The following TMEM135 variants were observed in gnomAD, a reference collection of about 807,000 sequenced individuals.
TMEM135 encodes the protein peroxisomal membrane protein 52.
TMEM135 carries 30 observed loss-of-function variants against 60.3 expected under a neutral mutation model. That is an observed-to-expected ratio of 0.50 (90% CI 0.37 to 0.68). TMEM135 has a LOEUF of 0.68. Among genes scored for constraint, TMEM135 ranks in the 30% least tolerant of loss-of-function variants. The pLI is 0.00. For missense variants in TMEM135, 468 were observed against 548.8 expected, an observed-to-expected ratio of 0.85 and a Z score of 1.47; for synonymous variants, 190 against 186.7, an observed-to-expected ratio of 1.02 and a Z score of -0.14.
chr11:87,200,421 T>C (rs1940068352), intron 5 of TMEM135, among the ~76,000 whole-genome samples: 1 of 152,228 alleles, frequency 6.6e-6, no homozygotes, highest in Non-Finnish European at 1.5e-5. Context: ...TAATTTTTCT[T>C]CTTCATTACA....
At chr11:87,192,759 G>T (rs1252314146) in intron 5 of TMEM135, among the ~76,000 whole-genome samples, 1 of 152,136 alleles carries the variant, frequency 6.6e-6, no homozygotes, top group East Asian at 1.9e-4. Context: ...AATAAAACCA[G>T]TTTACATATT....
chr11:87,045,220 C>T lies in TMEM135; in HGVS notation c.141+7034C>T, dbSNP rs375588737. Among the ~76,000 whole-genome samples the T allele has an allele frequency of 6.0e-5, 9 of 150,748 alleles. No homozygotes were observed. In the East Asian group the frequency reaches 6.0e-4, roughly 10 times the overall value. ...AATTTTTTTGTATTTTTAGTAGAGACGGGGTTTCACTCTGTTAGCCAGGAT... is the reference window on the plus strand; with the variant it reads ...AATTTTTTTGTATTTTTAGTAGAGATGGGGTTTCACTCTGTTAGCCAGGAT... On this transcript the variant is annotated intron_variant, in intron 1 of 14. Transcript: ENST00000305494.
At chr11:87,213,577 C>T (rs535134720) in intron 5 of TMEM135, among the ~76,000 whole-genome samples, 29 of 151,910 alleles carry the variant, frequency 1.9e-4, no homozygotes, top group Non-Finnish European at 1.5e-4. Context: ...GTAGTTCTTC[C>T]GTATTAGTAG....
chr11:87,268,169 C>CTTTTCTTTTCTTTTCTTTTCT lies in TMEM135; in HGVS notation c.510-27610_510-27609insTCTTTTCTTTTCTTTTCTTTT, dbSNP rs1554982587. On this transcript the variant is annotated intron_variant, in intron 6 of 14. Transcript: ENST00000305494. ...CCTTTCCTTTATTTCCTTTCCTTTC[C>CTTTTCTTTTCTTTTCTTTTCT]TTTCTTTTCTTTTCTTTCTTCTTTT... Among the ~76,000 whole-genome samples, 67 of 110,656 alleles carry CTTTTCTTTTCTTTTCTTTTCT rather than the reference C, an allele frequency of 6.1e-4. 3 individuals carry two copies. Among genetic ancestry groups the CTTTTCTTTTCTTTTCTTTTCT allele is most frequent in the African/African-American group, 1.9e-3 (63 of 32,616 alleles). The allele number at this position is 110,656 out of a possible 152,430, so 72.6% of individuals were successfully genotyped here. A position where few individuals can be genotyped will look rare whatever the true frequency, so the allele number is the denominator to read the frequency against.
intron 5 of TMEM135, among the ~76,000 whole-genome samples, chr11:87,223,697 A>AC (rs1565492140): frequency 1.0e-4 from 15 of 150,210 alleles, no homozygotes; most frequent in African/African-American, 3.5e-4. Flanking sequence ...ACACACACAC[A>AC]AAATTAGCTG....
chr11:87,109,312 A>G (rs1241510264), intron 4 of TMEM135, among the ~76,000 whole-genome samples: 1 of 152,196 alleles, frequency 6.6e-6, no homozygotes, highest in Non-Finnish European at 1.5e-5. Flanking sequence ...TATTTTTCCT[A>G]TATATGCATA....
At chr11:87,143,006 CT>C (rs1471419235) in intron 4 of TMEM135, among the ~76,000 whole-genome samples, 1 of 151,504 alleles carries the variant, frequency 6.6e-6, no homozygotes, top group Non-Finnish European at 1.5e-5. Context: ...TCTCTTCAGT[CT>C]TTTTTTCCTC....
At chr11:87,148,634 C>T (rs1938475854) in intron 4 of TMEM135, among the ~76,000 whole-genome samples, 1 of 151,938 alleles carries the variant, frequency 6.6e-6, no homozygotes, top group Non-Finnish European at 1.5e-5. Context: ...AAGTAAGTAG[C>T]CTGACCTACA....
intron 6 of TMEM135, among the ~76,000 whole-genome samples, chr11:87,268,872 G>T (rs1010190283): frequency 6.6e-6 from 1 of 152,096 alleles, no homozygotes; most frequent in Non-Finnish European, 1.5e-5. Flanking sequence ...CTAAGTTTCA[G>T]ATAGCATCTA....
chr11:87,203,032 CAAAAAAAAAAA>C (rs534909524), intron 5 of TMEM135, among the ~76,000 whole-genome samples: 5 of 33,568 alleles, frequency 1.5e-4, no homozygotes, highest in Non-Finnish European at 3.1e-4. Context: ...GACTCCGTCT[CAAAAAAAAAAA>C]AAAAAAAAAA....
chr11:87,141,182 A>G (rs1251386411), intron 4 of TMEM135, among the ~76,000 whole-genome samples: 1 of 152,062 alleles, frequency 6.6e-6, no homozygotes, highest in East Asian at 1.9e-4. Flanking sequence ...GAACAATTTG[A>G]GGAGATTTGA....
At chr11:87,106,151 TG>T (rs1034493411) in intron 4 of TMEM135, among the ~76,000 whole-genome samples, 2 of 152,036 alleles carry the variant, frequency 1.3e-5, no homozygotes, top group African/African-American at 4.8e-5. Flanking sequence ...TTGCTCAGGC[TG>T]GAGTGCAGTG....
rs550379867 is a variant in TMEM135 at position 87,171,704 on chromosome 11, T to G, written c.462+14298T>G. ...TTAACATTTTCTGCTTACAGGCAGCTTTGTATACCCTTTCTGCCTAGGTAG... is the reference window on the plus strand; with the variant it reads ...TTAACATTTTCTGCTTACAGGCAGCGTTGTATACCCTTTCTGCCTAGGTAG... On this transcript the variant is annotated intron_variant, in intron 5 of 14. Transcript: ENST00000305494. Among the ~76,000 whole-genome samples, 31 of 152,292 alleles carry G rather than the reference T, an allele frequency of 2.0e-4. No homozygotes were observed. The South Asian group carries it at 5.8e-3, about 29-fold the overall frequency.
chr11:87,286,633 C>T (rs985094140), intron 6 of TMEM135, among the ~76,000 whole-genome samples: 74 of 152,276 alleles, frequency 4.9e-4, no homozygotes, highest in African/African-American at 1.7e-3. Context: ...GGGTGGGGCT[C>T]GGGCATGGTG....
intron 6 of TMEM135, among the ~76,000 whole-genome samples, chr11:87,286,887 A>G (rs1167049136): frequency 1.3e-5 from 2 of 152,236 alleles, no homozygotes; most frequent in Non-Finnish European, 2.9e-5. Flanking sequence ...ATAAATGTTT[A>G]CACTTGAACT....
chr11:87,054,906 A>G (rs1414802900), intron 1 of TMEM135, among the ~76,000 whole-genome samples: 2 of 152,172 alleles, frequency 1.3e-5, no homozygotes, highest in Non-Finnish European at 2.9e-5. Context: ...GTGTAGTATA[A>G]CTGTATTTAC....
At chr11:87,126,572 G>C (rs11234981) in intron 4 of TMEM135, among the ~76,000 whole-genome samples, 19,411 of 148,966 alleles carry the variant, frequency 0.13, 1,340 homozygotes, top group Middle Eastern at 0.15. Flanking sequence ...AAGTGCTAAG[G>C]GTTTTGTTTT....
intron 4 of TMEM135, among the ~76,000 whole-genome samples, chr11:87,142,431 C>T (rs1253430564): frequency 6.6e-6 from 1 of 152,022 alleles, no homozygotes; most frequent in Admixed American, 6.6e-5. Flanking sequence ...TTGGTTTTCC[C>T]CTATCTCAAT....
At chr11:87,084,328 A>C (rs1477137775) in intron 3 of TMEM135, among the ~76,000 whole-genome samples, 1 of 139,926 alleles carries the variant, frequency 7.1e-6, no homozygotes, top group Non-Finnish European at 1.5e-5. Context: ...TTTTTTTTTG[A>C]GACAGAGTTT....
Sources: gnomAD v4.1 joint callset for allele counts (sites outside exome capture counted in the v4.1 genomes callset) on GRCh38, gnomAD v4.1.1 for gene constraint, MANE v1.5 for transcripts, NCBI Gene and HGNC (gene_info 2026-07-23, HGNC 2026-07-21) for gene names.